The following CTNNA2 variants were observed in gnomAD, a reference collection of about 807,000 sequenced individuals.
The protein encoded by CTNNA2 is catenin alpha-2.
Under a neutral mutation model 101.0 loss-of-function variants are expected in CTNNA2, and 42 were observed. The observed-to-expected ratio is 0.42, with a 90% CI of 0.32 to 0.54. CTNNA2 has a LOEUF of 0.54. CTNNA2 is among the 20% of genes least tolerant of loss of function. The pLI is 0.14. For missense variants in CTNNA2, 871 were observed against 1,223.1 expected (o/e 0.71, Z 4.29); for synonymous variants, 450 against 456.4 (o/e 0.99, Z 0.18).
chr2:80,252,527 A>T (rs550449757), intron 7 of CTNNA2, among the ~76,000 whole-genome samples: 1 of 152,312 alleles, frequency 6.6e-6, no homozygotes, highest in Admixed American at 6.5e-5. Context: ...GGGCTGTTAA[A>T]CAACATGCAG....
intron 7 of CTNNA2, among the ~76,000 whole-genome samples, chr2:79,937,389 G>A (rs531579029): frequency 7.9e-5 from 12 of 152,308 alleles, no homozygotes; most frequent in Admixed American, 2.6e-4. Context: ...TCTACGTGAC[G>A]TGGAAGACAA....
chr2:79,758,942 A>G (rs1553463344), intron 3 of CTNNA2, among the ~76,000 whole-genome samples: 2 of 152,212 alleles, frequency 1.3e-5, no homozygotes, highest in Non-Finnish European at 2.9e-5. Flanking sequence ...GTGCATGTTA[A>G]TAAAAGGTCT....
chr2:79,646,524 CTTT>C (rs67454188), intron 1 of CTNNA2, among the ~76,000 whole-genome samples: 8 of 106,138 alleles, frequency 7.5e-5, no homozygotes, highest in South Asian at 7.1e-4. Context: ...TTCTTTCTGT[CTTT>C]TTTTTTTTTT....
intron 7 of CTNNA2, among the ~76,000 whole-genome samples, chr2:80,190,158 C>T (rs1267772051): frequency 1.3e-5 from 2 of 151,944 alleles, no homozygotes; most frequent in Middle Eastern, 3.4e-3. Flanking sequence ...CCCTATTAAC[C>T]TTAACAGGGA....
intron 7 of CTNNA2, among the ~76,000 whole-genome samples, chr2:80,109,947 A>G (rs895732664): frequency 6.6e-6 from 1 of 152,126 alleles, no homozygotes; most frequent in African/African-American, 2.4e-5. Context: ...TTTAATCTGA[A>G]TTAATACAGT....
At chr2:79,305,294 GTATA>G (rs112289713) in intron 2 of CTNNA2, among the ~76,000 whole-genome samples, 11 of 147,882 alleles carry the variant, frequency 7.4e-5, no homozygotes, top group African/African-American at 2.7e-4. Flanking sequence ...ACGTGTGTGT[GTATA>G]TATATACATA....
intron 4 of CTNNA2, among the ~76,000 whole-genome samples, chr2:79,379,331 A>G (rs1678014489): frequency 6.6e-6 from 1 of 152,228 alleles, no homozygotes; most frequent in Non-Finnish European, 1.5e-5. Flanking sequence ...TTATAAAAAT[A>G]TACAATCATT....
At chr2:80,152,822 G>A (rs1703787786) in intron 7 of CTNNA2, among the ~76,000 whole-genome samples, 1 of 152,136 alleles carries the variant, frequency 6.6e-6, no homozygotes, top group African/African-American at 2.4e-5. Flanking sequence ...TTAGGCCTTA[G>A]CTCCTCTCCT....
At chr2:79,440,021 A>G (rs146499636) in intron 4 of CTNNA2, among the ~76,000 whole-genome samples, 15 of 152,298 alleles carry the variant, frequency 9.8e-5, no homozygotes, top group Admixed American at 2.6e-4. Context: ...AAGGCATATT[A>G]CTTTAAAGAA....
Position 79,867,026 on chromosome 2 carries a change from G to T in CTNNA2, c.466-2790G>T, listed in dbSNP as rs566386632. Reference sequence around the variant, plus strand: ...CACAGTTGTACTTAACATTCTTCATGGTGGGGCCCAGACAGGTGTATCTTG... The same window carrying T: ...CACAGTTGTACTTAACATTCTTCATTGTGGGGCCCAGACAGGTGTATCTTG... On this transcript the variant is annotated intron_variant, in intron 4 of 18. Coordinates refer to ENST00000402739, the MANE Select transcript of CTNNA2 (RefSeq NM_001282597.3). 7.4e-4 allele frequency among the ~76,000 whole-genome samples: 113 copies of T among 152,226 alleles called. 1 individual carries two copies. The highest frequency in any genetic ancestry group is 4.2e-3 in the Admixed American group (64 of 15,298).
intron 2 of CTNNA2, among the ~76,000 whole-genome samples, chr2:79,657,359 T>C (rs1278391173): frequency 6.6e-6 from 1 of 151,830 alleles, no homozygotes; most frequent in Non-Finnish European, 1.5e-5. Context: ...AATCAGTTCC[T>C]AGAAAAAAAT....
chr2:80,081,337 A>C (rs937265356), intron 7 of CTNNA2, among the ~76,000 whole-genome samples: 1 of 152,034 alleles, frequency 6.6e-6, no homozygotes, highest in Middle Eastern at 3.4e-3. Context: ...GCAGCTCATA[A>C]ACTAATGAAT....
At chr2:79,631,059 G>A (rs1339136859) in intron 1 of CTNNA2, among the ~76,000 whole-genome samples, 13 of 151,746 alleles carry the variant, frequency 8.6e-5, no homozygotes, top group Admixed American at 7.9e-4. Context: ...GTGCCCCCTG[G>A]CAGATTTTTT....
chr2:79,766,021 T>C (rs1673125293), intron 3 of CTNNA2, among the ~76,000 whole-genome samples: 1 of 152,234 alleles, frequency 6.6e-6, no homozygotes, highest in African/African-American at 2.4e-5. Context: ...TTTTGATTGG[T>C]TCATGGTTTA....
chr2:79,639,932 TTGTGTGTG>T (rs60058512), intron 1 of CTNNA2, among the ~76,000 whole-genome samples: 6,003 of 145,164 alleles, frequency 0.041, 383 homozygotes, highest in African/African-American at 0.14. Flanking sequence ...TTAACTATAA[TTGTGTGTG>T]TGTGTGTGTG....
chr2:80,031,739 C>G (rs1234778138), intron 7 of CTNNA2, among the ~76,000 whole-genome samples: 2 of 152,036 alleles, frequency 1.3e-5, no homozygotes, highest in African/African-American at 4.8e-5. Context: ...TACATGAATT[C>G]CTATATAATT....
At chr2:80,336,631 T>A (rs1482079385) in intron 7 of CTNNA2, among the ~76,000 whole-genome samples, 1 of 152,342 alleles carries the variant, frequency 6.6e-6, no homozygotes, top group Non-Finnish European at 1.5e-5. Context: ...TATAGTACTT[T>A]GAGTTTTCCA....
intron 2 of CTNNA2, among the ~76,000 whole-genome samples, chr2:79,204,708 T>C (rs1674079366): frequency 6.6e-6 from 1 of 152,206 alleles, no homozygotes; most frequent in South Asian, 2.1e-4. Flanking sequence ...GATCAAGGCA[T>C]CAGCAGGTTC....
At chr2:79,711,691 T>C (rs958694227) in intron 2 of CTNNA2, among the ~76,000 whole-genome samples, 9 of 152,116 alleles carry the variant, frequency 5.9e-5, no homozygotes, top group African/African-American at 2.2e-4. Context: ...AGAACAGGGA[T>C]TGGAGAACTT....
Sources: allele counts gnomAD v4.1 joint callset (sites outside exome capture counted in the v4.1 genomes callset), GRCh38; gene constraint gnomAD v4.1.1; transcripts MANE v1.5; gene names NCBI Gene and HGNC (gene_info 2026-07-23, HGNC 2026-07-21).